The following PRMT3 variants were observed in gnomAD, a reference collection of about 807,000 sequenced individuals.
PRMT3 encodes the protein protein arginine N-methyltransferase 3.
PRMT3 carries 62 observed loss-of-function variants against 71.9 expected under a neutral mutation model. That is an observed-to-expected ratio of 0.86 (90% CI 0.70 to 1.07). PRMT3 has a LOEUF of 1.07. PRMT3 is among the 50% of genes least tolerant of loss of function. The pLI, the probability that PRMT3 is intolerant of heterozygous loss-of-function variation, is 0.00. For missense variants in PRMT3, 663 were observed against 643.0 expected, an observed-to-expected ratio of 1.03 and a Z score of -0.34; for synonymous variants, 213 against 220.4, an observed-to-expected ratio of 0.97 and a Z score of 0.30.
chr11:20,400,243 A>G (rs986383689), intron 7 of PRMT3, among the ~76,000 whole-genome samples: 3 of 152,208 alleles, frequency 2.0e-5, no homozygotes, highest in Non-Finnish European at 4.4e-5. Flanking sequence ...TTTATAGAGT[A>G]TAATTTGGAT....
intron 3 of PRMT3, among the ~76,000 whole-genome samples, chr11:20,391,392 T>C (rs111792011): frequency 1.8e-4 from 27 of 152,102 alleles, no homozygotes; most frequent in African/African-American, 6.0e-4. Context: ...ATTATAGGCA[T>C]GCGCCACCAC....
chr11:20,440,472 C>T (rs866582315), intron 10 of PRMT3, among the ~76,000 whole-genome samples: 9 of 115,088 alleles, frequency 7.8e-5, no homozygotes, highest in Admixed American at 2.3e-4. Flanking sequence ...GGTGAAACCC[C>T]ATCTCTACTA....
At chr11:20,397,245 AT>A (rs1848845105) in intron 6 of PRMT3, among the ~76,000 whole-genome samples, 1 of 152,234 alleles carries the variant, frequency 6.6e-6, no homozygotes, top group South Asian at 2.1e-4. Context: ...AACGACATTG[AT>A]TCATTTGCTA....
chr11:20,408,178 G>A (rs1849115195), intron 9 of PRMT3, 146 bp downstream of exon 9: 1 of 485,668 alleles, frequency 2.1e-6, no homozygotes, highest in Non-Finnish European at 3.4e-6. Context: ...AAGATTTTAA[G>A]TTGAATTGAG....
intron 10 of PRMT3, among the ~76,000 whole-genome samples, chr11:20,441,214 A>G (rs1849887676): frequency 6.6e-6 from 1 of 151,662 alleles, no homozygotes; most frequent in South Asian, 2.1e-4. Flanking sequence ...TTGGAAAATG[A>G]TATGTAGAGA....
chr11:20,477,804 C>T (rs1432560362), intron 13 of PRMT3, among the ~76,000 whole-genome samples: 1 of 45,528 alleles, frequency 2.2e-5, no homozygotes, highest in Non-Finnish European at 4.3e-5. Flanking sequence ...TAGGAGAAAC[C>T]CCCCCCCCCC....
At chr11:20,453,837 C>A (rs1052129564) in intron 11 of PRMT3, among the ~76,000 whole-genome samples, 1 of 151,986 alleles carries the variant, frequency 6.6e-6, no homozygotes, top group Admixed American at 6.6e-5. Flanking sequence ...ACAGTCTTTG[C>A]ATTATACTTA....
intron 13 of PRMT3, among the ~76,000 whole-genome samples, chr11:20,466,301 C>T (rs1850510440): frequency 6.6e-6 from 1 of 152,134 alleles, no homozygotes; most frequent in South Asian, 2.1e-4. Context: ...AGAACCACAC[C>T]TTTGAACTGG....
At chr11:20,445,159 C>T (rs1287198017) in intron 10 of PRMT3, among the ~76,000 whole-genome samples, 4 of 151,874 alleles carry the variant, frequency 2.6e-5, no homozygotes, top group Non-Finnish European at 5.9e-5. Context: ...CAATCTCTTC[C>T]TATAATCTTA....
intron 11 of PRMT3, among the ~76,000 whole-genome samples, chr11:20,457,614 C>A (rs1183083525): frequency 1.3e-5 from 2 of 152,192 alleles, no homozygotes; most frequent in Non-Finnish European, 2.9e-5. Flanking sequence ...GTCAGAGTTA[C>A]AACTGGTGAA....
intron 7 of PRMT3, among the ~76,000 whole-genome samples, chr11:20,401,805 T>TA (rs1384630617): frequency 1.3e-5 from 2 of 152,210 alleles, no homozygotes; most frequent in Non-Finnish European, 2.9e-5. Context: ...ATGTTAGAGT[T>TA]ACATGTTTGC....
At chr11:20,451,210 A>G (rs939864478) in intron 10 of PRMT3, among the ~76,000 whole-genome samples, 1 of 152,130 alleles carries the variant, frequency 6.6e-6, no homozygotes, top group Non-Finnish European at 1.5e-5. Flanking sequence ...AGGATTCATT[A>G]TCATACTCTA....
intron 7 of PRMT3, 79 bp from the exon 8 acceptor site, chr11:20,402,840 A>C: frequency 9.0e-7 from 1 of 1,107,530 alleles, no homozygotes; most frequent in South Asian, 1.4e-5. Flanking sequence ...ATGTGTGTTA[A>C]TATGGCAAAT....
chr11:20,418,794 CTT>C (rs1047133027), intron 9 of PRMT3, among the ~76,000 whole-genome samples: 3 of 151,636 alleles, frequency 2.0e-5, no homozygotes, highest in African/African-American at 7.3e-5. Flanking sequence ...TTCTGTAAAA[CTT>C]TTTGTATGAA....
At chr11:20,504,686 GTAT>G (rs768501539) in intron 15 of PRMT3, among the ~76,000 whole-genome samples, 1 of 116,686 alleles carries the variant, frequency 8.6e-6, no homozygotes, top group East Asian at 2.6e-4. Context: ...CTCAAGTATT[GTAT>G]GTGTGTGTGT....
At chr11:20,397,792 G>T in intron 7 of PRMT3, 71 bp downstream of exon 7, 1 of 1,529,720 alleles carries the variant, frequency 6.5e-7, no homozygotes, top group East Asian at 2.4e-5. Flanking sequence ...CTTAATATAT[G>T]TGTGCACTAT....
intron 10 of PRMT3, among the ~76,000 whole-genome samples, chr11:20,430,595 A>C (rs7108832): frequency 0.011 from 1,684 of 152,136 alleles, 41 homozygotes; most frequent in African/African-American, 0.039. Flanking sequence ...ATTTAAGAGA[A>C]GTTTTCTTTT....
intron 13 of PRMT3, among the ~76,000 whole-genome samples, chr11:20,493,401 C>T (rs1302366294): frequency 6.6e-6 from 1 of 152,228 alleles, no homozygotes; most frequent in Admixed American, 6.5e-5. Flanking sequence ...AATAGCCCAT[C>T]TCAGAACTCT....
chr11:20,486,712 A>G (rs1590103521), intron 13 of PRMT3, among the ~76,000 whole-genome samples: 1 of 152,142 alleles, frequency 6.6e-6, no homozygotes, highest in Non-Finnish European at 1.5e-5. Flanking sequence ...CTGCCAGAAA[A>G]TAACTGCCAA....
Sources: allele counts gnomAD v4.1 joint callset (sites outside exome capture counted in the v4.1 genomes callset), GRCh38; gene constraint gnomAD v4.1.1; transcripts MANE v1.5; gene names NCBI Gene and HGNC (gene_info 2026-07-23, HGNC 2026-07-21).